ARPC1A: variants seen among roughly 807,000 people sequenced by gnomAD.
ARPC1A encodes the protein actin related protein 2/3 complex subunit 1A.
ARPC1A carries 8 observed loss-of-function variants against 46.9 expected under a neutral mutation model. The ratio of observed to expected loss-of-function variants is 0.17; its 90% CI spans 0.10 to 0.31. ARPC1A has a LOEUF of 0.31. Ranked by LOEUF, ARPC1A falls within the 10% of genes least tolerant of loss-of-function variation. The pLI, the probability that ARPC1A is intolerant of heterozygous loss-of-function variation, is 1.00. For synonymous variants in ARPC1A, 152 were observed against 169.0 expected, an observed-to-expected ratio of 0.90 and a Z score of 0.78; for missense variants, 286 against 483.6, an observed-to-expected ratio of 0.59 and a Z score of 3.83.
At chr7:99,330,926 C>T (rs2150857561) in intron 1 of ARPC1A, among the ~76,000 whole-genome samples, 1 of 152,254 alleles carries the variant, frequency 6.6e-6, no homozygotes, top group Non-Finnish European at 1.5e-5. Context: ...TCAAGTGTAT[C>T]TAGATTTGGG....
intron 3 of ARPC1A, among the ~76,000 whole-genome samples, chr7:99,339,698 CTT>C (rs943355781): frequency 3.2e-4 from 49 of 152,304 alleles, no homozygotes; most frequent in African/African-American, 1.1e-3. Flanking sequence ...TTTAACCACT[CTT>C]TAGCATTTTA....
intron 3 of ARPC1A, among the ~76,000 whole-genome samples, chr7:99,342,753 C>T (rs891303988): frequency 7.9e-5 from 10 of 126,764 alleles, no homozygotes; most frequent in East Asian, 6.7e-4. Context: ...GACACAGTCT[C>T]GCTGTGTCAC....
intron 1 of ARPC1A, among the ~76,000 whole-genome samples, chr7:99,328,660 G>C (rs1042395690): frequency 6.6e-6 from 1 of 152,028 alleles, no homozygotes; most frequent in African/African-American, 2.4e-5. Flanking sequence ...ATAAAGAAAA[G>C]GGGTGGGGGC....
chr7:99,355,311 C>T (rs973668433), intron 6 of ARPC1A, among the ~76,000 whole-genome samples: 2 of 151,878 alleles, frequency 1.3e-5, no homozygotes, highest in Non-Finnish European at 2.9e-5. Flanking sequence ...CAGCTTTTAC[C>T]GTGACAGGCA....
At chr7:99,341,301 T>C (rs1454741323) in intron 3 of ARPC1A, among the ~76,000 whole-genome samples, 1 of 147,072 alleles carries the variant, frequency 6.8e-6, no homozygotes, top group Admixed American at 6.8e-5. Context: ...ACAGCAAGAC[T>C]CTGTCTCCAA....
At chr7:99,329,233 A>C (rs1185592710) in intron 1 of ARPC1A, among the ~76,000 whole-genome samples, 2 of 151,454 alleles carry the variant, frequency 1.3e-5, no homozygotes, top group African/African-American at 4.9e-5. Flanking sequence ...CCCGGGAGGC[A>C]GAGTTTGCAG....
rs777784312 is a variant in ARPC1A at position 99,359,627 on chromosome 7, A to G, written c.872A>G (p.Gln291Arg). ...TFVSKLDIPK[Q>R]SIQRNMSAME... ...GTCTCCAAGTTAGATATTCCAAAAC[A>G]GAGCATCCAACGCAACATGTCTGCC... Residue 291 changes from glutamine to arginine, a missense_variant, in exon 8 of 10, where the codon CAG becomes CGG. Coordinates refer to ENST00000262942, the MANE Select transcript of ARPC1A (RefSeq NM_006409.4). 2 of 1,614,142 alleles carry G rather than the reference A, an allele frequency of 1.2e-6. No homozygotes were observed. Among genetic ancestry groups the G allele is most frequent in the Admixed American group, 1.7e-5 (1 of 60,000 alleles).
intron 1 of ARPC1A, among the ~76,000 whole-genome samples, chr7:99,329,722 C>T (rs987081404): frequency 6.6e-6 from 1 of 152,170 alleles, no homozygotes; most frequent in Non-Finnish European, 1.5e-5. Flanking sequence ...AAATGGCCAC[C>T]TCTTTTGAAG....
chr7:99,344,531 A>G lies in ARPC1A; in HGVS notation c.392+16A>G. 6.2e-7 allele frequency: 1 copy of G among 1,611,988 alleles called. No individual in the cohort carries two copies. Among genetic ancestry groups the G allele is most frequent in the Non-Finnish European group, 8.5e-7 (1 of 1,178,360 alleles). On this transcript the variant is annotated intron_variant, in intron 4 of 9. Transcript: ENST00000262942. Reference sequence around the variant, plus strand: ...AAAATGACTGGTGAGTGACATCTGAATTTTTTCTATCCCTCTCTATAGAAT... The same window carrying G: ...AAAATGACTGGTGAGTGACATCTGAGTTTTTTCTATCCCTCTCTATAGAAT...
intron 8 of ARPC1A, among the ~76,000 whole-genome samples, chr7:99,361,663 T>A (rs1793742941): frequency 6.6e-6 from 1 of 152,172 alleles, no homozygotes; most frequent in Non-Finnish European, 1.5e-5. Flanking sequence ...AAGCTCTCAT[T>A]GCCTCTCTGA....
At chr7:99,358,492 C>A in intron 7 of ARPC1A, 77 bp downstream of exon 7, 1 of 1,276,826 alleles carries the variant, frequency 7.8e-7, no homozygotes, top group South Asian at 1.2e-5. Context: ...TGCTCTGTCA[C>A]CCTAGCACAA....
chr7:99,360,883 G>A (rs1006999922), intron 8 of ARPC1A, among the ~76,000 whole-genome samples: 2 of 148,508 alleles, frequency 1.3e-5, no homozygotes, highest in Non-Finnish European at 3.0e-5. Flanking sequence ...GGAGGTTGCA[G>A]TGAGCCAAGA....
intron 8 of ARPC1A, among the ~76,000 whole-genome samples, chr7:99,362,739 CG>C (rs1211341792): frequency 6.6e-6 from 1 of 151,706 alleles, no homozygotes; most frequent in East Asian, 1.9e-4. Context: ...GGGGAAGAGG[CG>C]GGTAAGTTCT....
intron 4 of ARPC1A, among the ~76,000 whole-genome samples, chr7:99,346,587 A>G (rs1010850164): frequency 6.6e-6 from 1 of 152,192 alleles, no homozygotes; most frequent in Non-Finnish European, 1.5e-5. Flanking sequence ...CAATTATTTC[A>G]TATTTCATAG....
At chr7:99,339,084 G>A (rs747071979) in intron 3 of ARPC1A, among the ~76,000 whole-genome samples, 1 of 152,020 alleles carries the variant, frequency 6.6e-6, no homozygotes, top group Non-Finnish European at 1.5e-5. Context: ...TTCTTTTCCT[G>A]TATCAGGAAA....
intron 1 of ARPC1A, among the ~76,000 whole-genome samples, chr7:99,332,901 G>GTGTGA: frequency 7.8e-6 from 1 of 127,490 alleles, no homozygotes; most frequent in African/African-American, 3.7e-5. Flanking sequence ...ACCATGCCCG[G>GTGTGA]CCTTTTTTTT....
intron 3 of ARPC1A, among the ~76,000 whole-genome samples, chr7:99,338,785 G>C (rs1584377156): frequency 6.6e-6 from 1 of 152,106 alleles, no homozygotes; most frequent in East Asian, 1.9e-4. Context: ...GGCCCCAGCT[G>C]GTACCCAGCA....
intron 8 of ARPC1A, 124 bp downstream of exon 8, chr7:99,359,862 T>C: frequency 1.7e-6 from 2 of 1,161,860 alleles, no homozygotes; most frequent in Non-Finnish European, 2.5e-6. Context: ...CAGGGACAAG[T>C]GCAGCAAGAA....
intron 3 of ARPC1A, among the ~76,000 whole-genome samples, chr7:99,343,221 C>T (rs1043473924): frequency 3.9e-5 from 6 of 151,998 alleles, no homozygotes; most frequent in Non-Finnish European, 5.9e-5. Context: ...AATCCCAGCA[C>T]TTTGGAGGCT....
Sources: allele counts gnomAD v4.1 joint callset (sites outside exome capture counted in the v4.1 genomes callset), GRCh38; gene constraint gnomAD v4.1.1; transcripts MANE v1.5; gene names NCBI Gene and HGNC (gene_info 2026-07-23, HGNC 2026-07-21).